The following SNRPB variants were observed in gnomAD, a reference collection of about 807,000 sequenced individuals.
The protein encoded by SNRPB is small nuclear ribonucleoprotein polypeptides B and B1, also known as small nuclear ribonucleoprotein-associated proteins B and B'.
SNRPB carries 5 observed loss-of-function variants against 26.6 expected under a neutral mutation model. That is an observed-to-expected ratio of 0.19 (90% CI 0.10 to 0.39). The LOEUF (loss-of-function observed/expected upper bound fraction) is 0.39, where lower values mean the gene tolerates loss of function less well. SNRPB is among the 10% of genes least tolerant of loss of function. The pLI is 1.00. For synonymous variants in SNRPB, 122 were observed against 105.8 expected (o/e 1.15, Z -0.94); for missense variants, 211 against 311.9 (o/e 0.68, Z 2.44).
Position 2,467,748 on chromosome 20 carries a change from T to C in SNRPB, c.14A>G (p.Lys5Arg). The change falls in exon 2 of 7, where the codon AAG becomes AGG. Residue 5 changes from lysine to arginine, a missense_variant. By Grantham distance (26) the Lys-to-Arg change is conservative (BLOSUM62 2). Transcript: ENST00000381342. ...AATATGCTGCAGCATCTTGCTGCTC[T>C]TGCCCACCGTCTGCAAGGAGAAATG... MTVG[K>R]SSKMLQHIDY... 6.2e-7 allele frequency: 1 copy of C among 1,614,026 alleles called. No homozygotes were observed. The highest frequency in any genetic ancestry group is 2.2e-5 in the East Asian group (1 of 44,884).
chr20:2,469,777 G>A (rs904052906), intron 1 of SNRPB, among the ~76,000 whole-genome samples: 10 of 152,220 alleles, frequency 6.6e-5, no homozygotes, highest in African/African-American at 2.4e-4. Context: ...AAGGCCTTTA[G>A]TAACTAGCCT....
rs181921336 is a variant in SNRPB, at chr20:2,465,782, G to T, written c.193C>A (p.Arg65=). The T allele has an allele frequency of 4.5e-5, 73 of 1,613,516 alleles. 1 individual carries two copies. In the Middle Eastern group the frequency reaches 6.6e-4, roughly 15 times the overall value. The change falls in exon 3 of 7, where the codon CGA becomes AGA. Residue 65 remains arginine, a synonymous_variant. Transcript: ENST00000381342. ...NSKQAEREEK[R]VLGLVLLRGE... ...CGCAGCAGCACCAGACCGAGGACTCGCTTCTCTTCCCTTTCTGCTTGTTTG... is the reference window on the plus strand; with the variant it reads ...CGCAGCAGCACCAGACCGAGGACTCTCTTCTCTTCCCTTTCTGCTTGTTTG...
At chr20:2,467,930 G>C (rs998539403) in intron 1 of SNRPB, among the ~76,000 whole-genome samples, 172 bp from the exon 2 acceptor site, 1 of 31,002 alleles carries the variant, frequency 3.2e-5, no homozygotes, top group Non-Finnish European at 2.3e-4. Context: ...ATGCCACCCT[G>C]TTTTAGCCCT....
intron 1 of SNRPB, among the ~76,000 whole-genome samples, chr20:2,468,020 G>T (rs910144210): frequency 1.3e-5 from 2 of 152,116 alleles, no homozygotes; most frequent in Admixed American, 1.3e-4. Flanking sequence ...TCTCCTTGTC[G>T]TGTCAGTTGC....
In SNRPB at chr20:2,463,302, G is replaced by T; in HGVS notation, c.421-75C>A. On this transcript the variant is annotated intron_variant, in intron 4 of 6. Transcript: ENST00000381342. The surrounding 1 kb of genome is among the most constrained non-coding windows in gnomAD (Gnocchi z 5.0). ...TTCCCACTCTCCTCCCCAACTTGGGGAAGGACAGTGGGAAATAACAGACAC... is the reference window on the plus strand; with the variant it reads ...TTCCCACTCTCCTCCCCAACTTGGGTAAGGACAGTGGGAAATAACAGACAC... The T allele has an allele frequency of 8.5e-7, 1 of 1,172,366 alleles. No individual in the cohort carries two copies. Among genetic ancestry groups the T allele is most frequent in the Non-Finnish European group, 1.3e-6 (1 of 780,558 alleles). 72.6% of individuals were successfully genotyped at this position (1,172,366 alleles called of 1,614,324 possible). A position where few individuals can be genotyped will look rare whatever the true frequency, so the allele number is the denominator to read the frequency against.
chr20:2,467,363 C>G, intron 2 of SNRPB: 1 of 600,494 alleles, frequency 1.7e-6, no homozygotes, highest in Non-Finnish European at 3.1e-6. Context: ...CAGGGGCACG[C>G]AAAGTGAGAG....
In SNRPB at chr20:2,465,762, C is replaced by T. The variant is rs377020976; in HGVS notation, c.213G>A (p.Leu71=). 2.5e-6 allele frequency: 4 copies of T among 1,613,798 alleles called. No homozygotes were observed. The highest frequency in any genetic ancestry group is 2.2e-5 in the East Asian group (1 of 44,802). ...REEKRVLGLV[L]LRGENLVSMT... ...TTGAGACCAGATTCTCCCCTCGCAGCAGCACCAGACCGAGGACTCGCTTCT... is the reference window on the plus strand; with the variant it reads ...TTGAGACCAGATTCTCCCCTCGCAGTAGCACCAGACCGAGGACTCGCTTCT... The change falls in exon 3 of 7, where the codon CTG becomes CTA. Residue 71 remains leucine, a synonymous_variant. Coordinates refer to ENST00000381342, the MANE Select transcript of SNRPB (RefSeq NM_003091.4).
At chr20:2,467,449 A>G (rs2085081540) in intron 2 of SNRPB, 158 bp downstream of exon 2, 5 of 690,984 alleles carry the variant, frequency 7.2e-6, no homozygotes, top group South Asian at 1.8e-5. Context: ...ACTCAAAAAG[A>G]TTTCTTAGCG....
At position 2,465,806 on chromosome 20, in the gene SNRPB, T is replaced by C; in HGVS notation, c.169A>G (p.Lys57Glu). Residue 57 changes from lysine to glutamate, a missense_variant, in exon 3 of 7, where the codon AAA (lysine) becomes GAA (glutamate). Lys to Glu is a moderately conservative substitution (Grantham distance 56). Transcript: ENST00000381342. ...EFRKIKPKNSKQAEREEKRVL... is the reference protein window; with the variant it reads ...EFRKIKPKNSEQAEREEKRVL... ...CGCTTCTCTTCCCTTTCTGCTTGTT[T>C]GGAGTTCTTTGGCCTAAAGAGAGGT... 6.2e-7 allele frequency: 1 copy of C among 1,613,732 alleles called. No homozygotes were observed. The highest frequency in any genetic ancestry group is 8.5e-7 in the Non-Finnish European group (1 of 1,179,888).
chr20:2,462,960 C>G (rs1418888417), intron 5 of SNRPB, 129 bp downstream of exon 5: 11 of 1,067,334 alleles, frequency 1.0e-5, no homozygotes, highest in Non-Finnish European at 1.4e-5. Flanking sequence ...GTCAGCCACG[C>G]TGGATCTCAG....
intron 3 of SNRPB, among the ~76,000 whole-genome samples, chr20:2,464,392 A>C (rs1319305428): frequency 1.3e-5 from 2 of 152,258 alleles, no homozygotes; most frequent in African/African-American, 4.8e-5. Flanking sequence ...TACTGGAAGT[A>C]GGTACTAAGA....
chr20:2,470,559 G>A (rs2085107273), intron 1 of SNRPB, 129 bp downstream of exon 1: 1 of 1,124,054 alleles, frequency 8.9e-7, no homozygotes, highest in Non-Finnish European at 1.3e-6. Flanking sequence ...CGCCCAGACC[G>A]AGCGGCCTCG....
intron 3 of SNRPB, among the ~76,000 whole-genome samples, chr20:2,464,940 C>A (rs1375992346): frequency 1.3e-5 from 2 of 151,790 alleles, no homozygotes; most frequent in South Asian, 4.1e-4. Flanking sequence ...TTGACTAGGT[C>A]TCTAAAGCCT....
In SNRPB at chr20:2,470,754, C is replaced by T; in HGVS notation, c.-64G>A. ...CCTCCTCAGAGGCCTAGCCTCTCTC[C>T]CACAGCCGATTTCCCGCCGCCGCTA... On this transcript the variant is annotated 5_prime_UTR_variant, in exon 1 of 7. Transcript: ENST00000381342. 1.3e-6 allele frequency: 2 copies of T among 1,599,226 alleles called. No homozygotes were observed. Among genetic ancestry groups the T allele is most frequent in the Non-Finnish European group, 1.7e-6 (2 of 1,170,146 alleles).
intron 2 of SNRPB, 21 bp from the exon 3 acceptor site, chr20:2,465,840 A>C: frequency 6.2e-7 from 1 of 1,602,118 alleles, no homozygotes; most frequent in South Asian, 1.1e-5. Context: ...GTTTAGAAGG[A>C]ACAAAAAAAG....
At chr20:2,468,956 C>G (rs1397824186) in intron 1 of SNRPB, among the ~76,000 whole-genome samples, 1 of 152,138 alleles carries the variant, frequency 6.6e-6, no homozygotes, top group East Asian at 1.9e-4. Flanking sequence ...TGACTCCACA[C>G]AAAGATACTG....
Position 2,465,721 on chromosome 20 carries a change from G to C in SNRPB, c.254C>G (p.Pro85Arg). Residue 85 changes from proline (P) to arginine (R), a missense_variant, in exon 3 of 7, where the codon CCT becomes CGT. Transcript: ENST00000381342. The part of the protein sequence containing the change: ...ENLVSMTVEG[P>R]PPKDTGIARV... ...GCTCTGACTTACATCTTTGGGAGGA[G>C]GTCCCTCTACTGTCATTGAGACCAG... is the stretch of plus-strand genomic sequence containing the variant. The C allele has an allele frequency of 6.2e-7, 1 of 1,611,018 alleles. No homozygotes were observed. The highest frequency in any genetic ancestry group is 1.1e-5 in the South Asian group (1 of 91,000).
chr20:2,466,586 T>C (rs1290448446), intron 2 of SNRPB, among the ~76,000 whole-genome samples: 1 of 152,228 alleles, frequency 6.6e-6, no homozygotes, highest in Non-Finnish European at 1.5e-5. Context: ...TGGTTGTCTG[T>C]GGATGGACAG....
At chr20:2,470,629 G>C in intron 1 of SNRPB, 59 bp downstream of exon 1, 1 of 1,608,808 alleles carries the variant, frequency 6.2e-7, no homozygotes, top group Admixed American at 1.7e-5. Flanking sequence ...GATCAGTCGC[G>C]GTTCCCACTC....
Sources: allele counts gnomAD v4.1 joint callset (sites outside exome capture counted in the v4.1 genomes callset), GRCh38; gene constraint gnomAD v4.1.1; non-coding constraint Gnocchi (gnomAD v3.1); transcripts MANE v1.5; gene names NCBI Gene and HGNC (gene_info 2026-07-23, HGNC 2026-07-21).